The following APBB2 variants were observed in gnomAD, a reference collection of about 807,000 sequenced individuals.
APBB2 encodes the protein Fe65-like 1.
Under a neutral mutation model 82.5 loss-of-function variants are expected in APBB2, and 38 were observed. The ratio of observed to expected loss-of-function variants is 0.46; its 90% CI spans 0.36 to 0.60. The LOEUF (loss-of-function observed/expected upper bound fraction) is 0.60, where lower values mean the gene tolerates loss of function less well. APBB2 is among the 20% of genes least tolerant of loss of function. APBB2 has a pLI of 0.00. For synonymous variants in APBB2, 341 were observed against 368.2 expected (o/e 0.93, Z 0.85); for missense variants, 772 against 972.3 (o/e 0.79, Z 2.74).
intron 6 of APBB2, among the ~76,000 whole-genome samples, chr4:41,000,059 ATATGTGTGTATGTGTGTGTG>A: frequency 2.2e-5 from 2 of 92,974 alleles, no homozygotes; most frequent in South Asian, 9.0e-4. Context: ...ATATGTATAT[ATATGTGTGTATGTGTGTGTG>A]TGTGTGTGTG....
At chr4:40,847,968 G>A (rs138885201) in intron 12 of APBB2, among the ~76,000 whole-genome samples, 62 of 152,018 alleles carry the variant, frequency 4.1e-4, no homozygotes, top group African/African-American at 1.4e-3. Flanking sequence ...CATCATACCC[G>A]GCTAATTTTT....
rs554673133 is a variant in APBB2, at chr4:41,101,050, G to A, written c.-260-300C>T. On this transcript the variant is annotated intron_variant, in intron 2 of 17. Transcript: ENST00000508593. ...TCTCAGGGAGTCACAAAAAGGAACC[G>A]AGGGAGAATCTGGACTTCTAATTAT... Among the ~76,000 whole-genome samples the A allele has an allele frequency of 2.8e-4, 43 of 152,316 alleles. 1 individual carries two copies. The East Asian group carries it at 8.1e-3, about 29-fold the overall frequency.
intron 2 of APBB2, among the ~76,000 whole-genome samples, chr4:41,103,940 C>G (rs1746289964): frequency 6.6e-6 from 1 of 152,152 alleles, no homozygotes; most frequent in African/African-American, 2.4e-5. Context: ...AGTTTATAAA[C>G]CCATTACAGA....
At chr4:41,079,313 G>A (rs1677689002) in intron 3 of APBB2, among the ~76,000 whole-genome samples, 1 of 152,178 alleles carries the variant, frequency 6.6e-6, no homozygotes, top group African/African-American at 2.4e-5. Context: ...AAACCATTAA[G>A]CTAGTCTCTG....
chr4:40,914,105 T>A (rs1304079778), intron 10 of APBB2, among the ~76,000 whole-genome samples: 1 of 152,046 alleles, frequency 6.6e-6, no homozygotes, highest in Non-Finnish European at 1.5e-5. Flanking sequence ...GCAAGGTGGC[T>A]CACACCTGTA....
chr4:41,129,908 T>C (rs560604047), intron 2 of APBB2, among the ~76,000 whole-genome samples: 9 of 152,086 alleles, frequency 5.9e-5, no homozygotes, highest in South Asian at 2.1e-4. Context: ...GGGGCTAAGA[T>C]CTACAGGGAA....
intron 12 of APBB2, among the ~76,000 whole-genome samples, chr4:40,887,895 A>G (rs907357035): frequency 3.3e-5 from 5 of 152,252 alleles, no homozygotes; most frequent in African/African-American, 1.2e-4. Context: ...TTTCAAAAAC[A>G]TAACCAAGGC....
chr4:40,849,056 G>A (rs969389170), intron 12 of APBB2: 1 of 238,588 alleles, frequency 4.2e-6, no homozygotes, highest in Non-Finnish European at 6.8e-6. Context: ...CCTAAGTAGG[G>A]GAAAGAGTGA....
chr4:41,144,487 A>G (rs759752946), intron 1 of APBB2, among the ~76,000 whole-genome samples: 17 of 152,218 alleles, frequency 1.1e-4, no homozygotes, highest in Non-Finnish European at 2.1e-4. Context: ...ATTAACATGT[A>G]TTTTAAGAGA....
At chr4:41,107,363 C>A (rs1355649617) in intron 2 of APBB2, among the ~76,000 whole-genome samples, 1 of 152,012 alleles carries the variant, frequency 6.6e-6, no homozygotes, top group Non-Finnish European at 1.5e-5. Context: ...AAAAAGAAAC[C>A]ATAAACCCAC....
intron 4 of APBB2, among the ~76,000 whole-genome samples, chr4:41,057,946 G>C (rs962381949): frequency 1.3e-5 from 2 of 152,158 alleles, no homozygotes; most frequent in Non-Finnish European, 2.9e-5. Flanking sequence ...GGCAAAGCCT[G>C]TCCTCTCACA....
At chr4:40,854,942 T>C (rs548421542) in intron 12 of APBB2, among the ~76,000 whole-genome samples, 1 of 152,316 alleles carries the variant, frequency 6.6e-6, no homozygotes, top group East Asian at 1.9e-4. Context: ...ACAATGCCAA[T>C]GTTCAAACTC....
chr4:41,020,356 A>T (rs542703279), intron 5 of APBB2, among the ~76,000 whole-genome samples: 1 of 152,330 alleles, frequency 6.6e-6, no homozygotes, highest in African/African-American at 2.4e-5. Flanking sequence ...ACAGGACAAT[A>T]GATGGTTCCT....
At chr4:40,905,494 C>T (rs1048280489) in intron 10 of APBB2, among the ~76,000 whole-genome samples, 2 of 152,188 alleles carry the variant, frequency 1.3e-5, no homozygotes, top group Non-Finnish European at 2.9e-5. Context: ...TAAATGAAAA[C>T]GAAAGGATTC....
intron 6 of APBB2, among the ~76,000 whole-genome samples, chr4:40,982,386 GGAA>G (rs1326417397): frequency 1.1e-3 from 10 of 9,202 alleles, no homozygotes; most frequent in African/African-American, 4.6e-3. Flanking sequence ...AAGGAAGGAA[GGAA>G]GGAAAGGAAA....
At chr4:41,041,094 A>C (rs1467842413) in intron 4 of APBB2, among the ~76,000 whole-genome samples, 2 of 152,046 alleles carry the variant, frequency 1.3e-5, no homozygotes, top group African/African-American at 4.8e-5. Flanking sequence ...GTTAGCCAGG[A>C]TGGTCTCGAT....
chr4:41,173,094 ACT>A (rs1768779676), intron 1 of APBB2, among the ~76,000 whole-genome samples: 1 of 152,134 alleles, frequency 6.6e-6, no homozygotes. Context: ...AACACCAAAG[ACT>A]CTACTAATAA....
chr4:41,072,811 T>C (rs1034600724), intron 3 of APBB2, among the ~76,000 whole-genome samples: 2 of 152,150 alleles, frequency 1.3e-5, no homozygotes, highest in African/African-American at 2.4e-5. Flanking sequence ...ATGTGAACAA[T>C]CTAGAAATGT....
intron 6 of APBB2, among the ~76,000 whole-genome samples, chr4:40,966,242 A>G (rs1794620350): frequency 6.6e-6 from 1 of 151,336 alleles, no homozygotes; most frequent in African/African-American, 2.4e-5. Context: ...TTTTCCTCAC[A>G]CTCCTTTGTA....
Sources: gnomAD v4.1 joint callset for allele counts (sites outside exome capture counted in the v4.1 genomes callset) on GRCh38, gnomAD v4.1.1 for gene constraint, MANE v1.5 for transcripts, NCBI Gene and HGNC (gene_info 2026-07-23, HGNC 2026-07-21) for gene names.